Variants in NCAM2 observed in about 807,000 individuals in gnomAD.
The protein encoded by NCAM2 is N-CAM-2.
Under a neutral mutation model 98.1 loss-of-function variants are expected in NCAM2, and 30 were observed. That is an observed-to-expected ratio of 0.31 (90% CI 0.23 to 0.41). The LOEUF is 0.41. NCAM2 is among the 10% of genes least tolerant of loss of function. The pLI, the probability that NCAM2 is intolerant of heterozygous loss-of-function variation, is 1.00. For missense variants in NCAM2, 867 were observed against 1,005.8 expected (o/e 0.86, Z 1.87); for synonymous variants, 368 against 342.4 (o/e 1.07, Z -0.83).
At chr21:21,494,480 T>C (rs1987074752) in intron 15 of NCAM2, among the ~76,000 whole-genome samples, 1 of 151,178 alleles carries the variant, frequency 6.6e-6, no homozygotes, top group South Asian at 2.1e-4. Flanking sequence ...TTCATGCAAA[T>C]CTTTGAAGCT....
chr21:21,500,897 T>A (rs550344915), intron 15 of NCAM2, among the ~76,000 whole-genome samples: 1 of 152,182 alleles, frequency 6.6e-6, no homozygotes, highest in South Asian at 2.1e-4. Context: ...TGTTAAGAAA[T>A]GTAAAGGATG....
intron 9 of NCAM2, among the ~76,000 whole-genome samples, chr21:21,388,770 A>C (rs892352868): frequency 1.3e-5 from 2 of 152,196 alleles, no homozygotes; most frequent in African/African-American, 2.4e-5. Flanking sequence ...CATTATATAA[A>C]ATCTAAATGC....
intron 9 of NCAM2, among the ~76,000 whole-genome samples, chr21:21,386,676 T>A (rs1381745607): frequency 6.6e-6 from 1 of 152,288 alleles, no homozygotes; most frequent in East Asian, 1.9e-4. Context: ...CTGTCGATTG[T>A]CCTCGTTTTA....
intron 5 of NCAM2, among the ~76,000 whole-genome samples, chr21:21,308,785 A>AT (rs2073957349): frequency 6.6e-6 from 1 of 151,500 alleles, no homozygotes; most frequent in Admixed American, 6.6e-5. Flanking sequence ...CTTATCTTTC[A>AT]TTTTCCGGAT....
intron 4 of NCAM2, among the ~76,000 whole-genome samples, chr21:21,286,732 T>C (rs1328469599): frequency 1.3e-5 from 2 of 151,720 alleles, no homozygotes; most frequent in Non-Finnish European, 2.9e-5. Context: ...AAATGTACAA[T>C]CGTTAGCCTA....
chr21:21,305,718 AT>A (rs1256048767), intron 5 of NCAM2, among the ~76,000 whole-genome samples: 1 of 151,752 alleles, frequency 6.6e-6, no homozygotes, highest in Non-Finnish European at 1.5e-5. Context: ...TTGATTTTAT[AT>A]TTGTTTTTCC....
chr21:21,159,862 A>T (rs907600081), intron 1 of NCAM2, among the ~76,000 whole-genome samples: 3 of 143,302 alleles, frequency 2.1e-5, no homozygotes, highest in Non-Finnish European at 4.4e-5. Context: ...TTTATAATGT[A>T]AAAAAAATGA....
chr21:21,004,238 A>G (rs2064071123), intron 1 of NCAM2, among the ~76,000 whole-genome samples: 1 of 152,210 alleles, frequency 6.6e-6, no homozygotes, highest in African/African-American at 2.4e-5. Context: ...TCAAATAACA[A>G]GCACTTTTTG....
chr21:21,238,190 C>G (rs1269088275), intron 1 of NCAM2, among the ~76,000 whole-genome samples: 1 of 152,042 alleles, frequency 6.6e-6, no homozygotes, highest in Admixed American at 6.5e-5. Context: ...CTCCTGACCT[C>G]AGGTGATACG....
At chr21:21,293,750 T>G (rs888961319) in intron 5 of NCAM2, among the ~76,000 whole-genome samples, 4 of 151,830 alleles carry the variant, frequency 2.6e-5, no homozygotes, top group African/African-American at 9.7e-5. Context: ...GCTATTTAGT[T>G]TGTTAATTAT....
chr21:21,071,516 A>G (rs2065562576), intron 1 of NCAM2, among the ~76,000 whole-genome samples: 1 of 152,196 alleles, frequency 6.6e-6, no homozygotes, highest in African/African-American at 2.4e-5. Context: ...AACACTTGAT[A>G]TTTAAGATTT....
chr21:21,298,132 G>T (rs2073559770), intron 5 of NCAM2, among the ~76,000 whole-genome samples: 1 of 151,680 alleles, frequency 6.6e-6, no homozygotes, highest in South Asian at 2.1e-4. Context: ...ATTTCTTGAA[G>T]TCATGAAAAT....
At chr21:21,245,313 A>G (rs1225910245) in intron 1 of NCAM2, among the ~76,000 whole-genome samples, 3 of 152,166 alleles carry the variant, frequency 2.0e-5, no homozygotes, top group African/African-American at 4.8e-5. Context: ...TAATTCCACA[A>G]ACTTTTCTGT....
At chr21:21,063,306 C>A (rs969511471) in intron 1 of NCAM2, among the ~76,000 whole-genome samples, 1 of 146,546 alleles carries the variant, frequency 6.8e-6, no homozygotes, top group Admixed American at 7.0e-5. Context: ...GCAACCTCTG[C>A]CTCCTGGGTT....
chr21:21,360,244 G>A (rs1289058789), intron 8 of NCAM2, among the ~76,000 whole-genome samples: 3 of 151,856 alleles, frequency 2.0e-5, no homozygotes, highest in Admixed American at 6.6e-5. Flanking sequence ...CTCAGGGATT[G>A]ACATAATACA....
chr21:21,210,560 C>CGATGG, intron 1 of NCAM2: 1 of 1,288,142 alleles, frequency 7.8e-7, no homozygotes, highest in East Asian at 5.6e-5. Flanking sequence ...AAGAGTACCA[C>CGATGG]GATGGTGAGA....
rs573400647 is a variant in NCAM2, at chr21:21,467,574, G to A, written c.1774+849G>A. On this transcript the variant is annotated intron_variant, in intron 13 of 17. Coordinates refer to ENST00000400546, the MANE Select transcript of NCAM2 (RefSeq NM_004540.5). ...GTGGTTAAGATAACCAGCCAGATAC[G>A]GTGGCTTACACCTGTAATCCCAGCA... 8.1e-4 allele frequency among the ~76,000 whole-genome samples: 123 copies of A among 151,660 alleles called. No homozygotes were observed. The South Asian group carries it at 0.025, about 31-fold the overall frequency.
chr21:21,472,282 A>C (rs993639882), intron 14 of NCAM2, among the ~76,000 whole-genome samples: 6 of 152,050 alleles, frequency 3.9e-5, no homozygotes, highest in African/African-American at 1.4e-4. Context: ...TTCTTAAGTA[A>C]GTTGGAGTCC....
chr21:21,424,246 C>G (rs1367047353), intron 11 of NCAM2, among the ~76,000 whole-genome samples: 1 of 152,174 alleles, frequency 6.6e-6, no homozygotes, highest in South Asian at 2.1e-4. Context: ...ACATTATTTT[C>G]AGAGAATCCA....
Sources: gnomAD v4.1 joint callset for allele counts (sites outside exome capture counted in the v4.1 genomes callset) on GRCh38, gnomAD v4.1.1 for gene constraint, MANE v1.5 for transcripts, NCBI Gene and HGNC (gene_info 2026-07-23, HGNC 2026-07-21) for gene names.